The following USP28 variants were observed in gnomAD, a reference collection of about 807,000 sequenced individuals.
The protein encoded by USP28 is ubiquitin carboxyl-terminal hydrolase 28.
A neutral mutation model predicts 145.0 loss-of-function variants in USP28; 113 were observed. That is an observed-to-expected ratio of 0.78 (90% CI 0.67 to 0.91). USP28 has a LOEUF of 0.91. USP28 is among the 40% of genes least tolerant of loss of function. The pLI, the probability that USP28 is intolerant of heterozygous loss-of-function variation, is 0.00. For synonymous variants in USP28, 447 were observed against 450.9 expected (o/e 0.99, Z 0.11); for missense variants, 1,201 against 1,289.6 (o/e 0.93, Z 1.05).
At position 113,830,941 on chromosome 11, in the gene USP28, C is replaced by T. The variant is rs1166008834; in HGVS notation, c.836G>A (p.Ser279Asn). Residue 279 changes from serine to asparagine, a missense_variant and splice_region_variant, in exon 9 of 25, where the codon AGT becomes AAT. Transcript: ENST00000003302. ...TGGATTTTCAGATTTGTTCCTGGGA[C>T]TGCTGCTTTTAGGAAAAGGAGACAA... 6 of 1,613,906 alleles carry T rather than the reference C, an allele frequency of 3.7e-6. No individual in the cohort carries two copies. The South Asian group carries it at 6.6e-5, about 18-fold the overall frequency.
chr11:113,833,775 C>G (rs1477484331), intron 6 of USP28, among the ~76,000 whole-genome samples: 1 of 152,182 alleles, frequency 6.6e-6, no homozygotes, highest in African/African-American at 2.4e-5. Context: ...GTTGGAAAAA[C>G]AGAAATGTCC....
chr11:113,839,731 A>G (rs576407933), intron 5 of USP28, among the ~76,000 whole-genome samples: 11 of 152,236 alleles, frequency 7.2e-5, no homozygotes, highest in Non-Finnish European at 1.5e-4. Context: ...TCTACTAAAA[A>G]ATTAGCCGGG....
At chr11:113,831,989 T>C in exon 8 of USP28, 3 of 1,613,840 alleles carry the variant, frequency 1.9e-6, no homozygotes, top group South Asian at 2.2e-5. Context: ...TTCACTCACA[T>C]CTTGCTATAA....
rs533221753 is a variant in USP28 at position 113,848,247 on chromosome 11, C to T, written c.268+4254G>A. On this transcript the variant is annotated intron_variant, in intron 3 of 24. Coordinates refer to ENST00000003302, the Ensembl canonical transcript of USP28. ...CCAAAGGTGGGTGGACCAAAGGGAA[C>T]TCTGCTGATTAACCAACATTAAAGG... 3.9e-5 allele frequency among the ~76,000 whole-genome samples: 6 copies of T among 152,306 alleles called. No individual in the cohort carries two copies. The East Asian group carries it at 1.2e-3, about 29-fold the overall frequency.
At chr11:113,859,756 G>T (rs546265049) in intron 1 of USP28, among the ~76,000 whole-genome samples, 2 of 152,254 alleles carry the variant, frequency 1.3e-5, no homozygotes, top group South Asian at 4.2e-4. Context: ...ACCCAACAAG[G>T]AGACAAGACA....
At chr11:113,872,523 G>C (rs185973022) in intron 1 of USP28, among the ~76,000 whole-genome samples, 91 of 152,202 alleles carry the variant, frequency 6.0e-4, no homozygotes, top group African/African-American at 2.1e-3. Flanking sequence ...TTTGGGGGCA[G>C]AGGGGCATGA....
chr11:113,863,277 A>G (rs1332002296), intron 1 of USP28, among the ~76,000 whole-genome samples: 1 of 152,214 alleles, frequency 6.6e-6, no homozygotes, highest in Non-Finnish European at 1.5e-5. Flanking sequence ...TTACATTTAC[A>G]ATAGCATCCT....
chr11:113,821,057 AG>A, intron 12 of USP28: 1 of 233,470 alleles, frequency 4.3e-6, no homozygotes, highest in Admixed American at 4.8e-5. Context: ...GGGGAGGAGA[AG>A]GGGGATATGG....
chr11:113,846,930 G>A (rs1945926490), intron 3 of USP28, among the ~76,000 whole-genome samples: 1 of 151,468 alleles, frequency 6.6e-6, no homozygotes, highest in Middle Eastern at 3.4e-3. Flanking sequence ...AGGAGGCGAA[G>A]GTTGCAGTGA....
At chr11:113,870,442 G>A (rs149160313) in intron 1 of USP28, among the ~76,000 whole-genome samples, 2,040 of 152,296 alleles carry the variant, frequency 0.013, 48 homozygotes, top group African/African-American at 0.046. Flanking sequence ...TGGGAGGATC[G>A]CTTGAGCCTA....
chr11:113,851,669 G>A (rs1946463606), intron 3 of USP28, among the ~76,000 whole-genome samples: 1 of 151,940 alleles, frequency 6.6e-6, no homozygotes, highest in Non-Finnish European at 1.5e-5. Flanking sequence ...AGTGGTGGGC[G>A]CCTGTAATCC....
chr11:113,834,698 A>AT (rs1944373893), intron 5 of USP28, among the ~76,000 whole-genome samples: 1 of 152,226 alleles, frequency 6.6e-6, no homozygotes, highest in South Asian at 2.1e-4. Flanking sequence ...GATTACAAGC[A>AT]TAAGCCACCA....
intron 12 of USP28, chr11:113,821,901 G>A (rs1459573105): frequency 2.0e-5 from 3 of 150,886 alleles, no homozygotes; most frequent in Non-Finnish European, 4.4e-5. Context: ...GTGGGTGGTG[G>A]AGGGTGTGAG....
At chr11:113,798,004 G>C (rs1938223456) in exon 25 of USP28, 1 of 146,680 alleles carries the variant, frequency 6.8e-6, no homozygotes, top group African/African-American at 2.5e-5. Context: ...TTTTAAAAAT[G>C]ATCAATGGGA....
chr11:113,839,304 G>T (rs1244523134), intron 5 of USP28, among the ~76,000 whole-genome samples: 2 of 152,206 alleles, frequency 1.3e-5, no homozygotes, highest in African/African-American at 4.8e-5. Context: ...TGAACTGATT[G>T]TGGGGCATGG....
At chr11:113,830,938 G>A in exon 9 of USP28, 2 of 1,613,926 alleles carry the variant, frequency 1.2e-6, no homozygotes, top group Non-Finnish European at 1.7e-6. Context: ...TTTGTTCCTG[G>A]GACTGCTGCT....
chr11:113,822,223 A>G (rs1246680549), intron 12 of USP28, among the ~76,000 whole-genome samples: 2 of 152,112 alleles, frequency 1.3e-5, no homozygotes, highest in African/African-American at 4.8e-5. Flanking sequence ...AGGCTGAGGC[A>G]GGTGGATCAC....
chr11:113,804,616 AC>A, intron 21 of USP28, 56 bp downstream of exon 22: 3 of 1,501,674 alleles, frequency 2.0e-6, no homozygotes, highest in Non-Finnish European at 1.8e-6. Context: ...TGCCTCAGGT[AC>A]CATTTACCTC....
intron 1 of USP28, among the ~76,000 whole-genome samples, chr11:113,867,319 T>A (rs1231867329): frequency 6.6e-6 from 1 of 152,006 alleles, no homozygotes; most frequent in Non-Finnish European, 1.5e-5. Context: ...CAGGCTAGAG[T>A]GCAGTGGCAT....
Sources: allele counts gnomAD v4.1 joint callset (sites outside exome capture counted in the v4.1 genomes callset), GRCh38; gene constraint gnomAD v4.1.1; transcripts MANE v1.5; gene names NCBI Gene and HGNC (gene_info 2026-07-23, HGNC 2026-07-21).